The following TAS1R2 variants were observed in gnomAD, a reference collection of about 807,000 sequenced individuals.
The protein encoded by TAS1R2 is taste 1 receptor member 2.
TAS1R2 carries 47 observed loss-of-function variants against 49.3 expected under a neutral mutation model. The ratio of observed to expected loss-of-function variants is 0.95; its 90% CI spans 0.75 to 1.22. The LOEUF (loss-of-function observed/expected upper bound fraction) is 1.22. Ranked by LOEUF, TAS1R2 falls within the 50% of genes most tolerant of loss-of-function variation. The probability of loss-of-function intolerance (pLI) is 0.00; values close to 1 mark genes in which losing one functional copy is unlikely to be tolerated. For synonymous variants in TAS1R2, 479 were observed against 467.9 expected (o/e 1.02, Z -0.31); for missense variants, 1,155 against 1,122.1 (o/e 1.03, Z -0.42).
exon 6 of TAS1R2, chr1:18,840,161 A>G (rs1933792622): frequency 6.2e-7 from 1 of 1,614,236 alleles, no homozygotes; most frequent in Admixed American, 1.7e-5. Flanking sequence ...GACGATCTGG[A>G]AAGAACGCAC....
In TAS1R2 at chr1:18,854,966, G is replaced by C; in HGVS notation, c.504C>G (p.Ser168Arg). Residue 168 changes from serine (S) to arginine (R), a missense_variant, in exon 3 of 6, where the codon AGC becomes AGG. Transcript: ENST00000375371. This position sits in a 1 kb window ranked among gnomAD's most constrained non-coding sequence, Gnocchi z 4.9. ...AGCGCACCTTGTCTCGCAGCTCATC[G>C]CTGATGGCGCTGTAGGTGATCTGCA... The C allele has an allele frequency of 6.2e-7, 1 of 1,606,318 alleles. No individual in the cohort carries two copies. Among genetic ancestry groups the C allele is most frequent in the Non-Finnish European group, 8.5e-7 (1 of 1,173,550 alleles).
intron 3 of TAS1R2, among the ~76,000 whole-genome samples, chr1:18,851,566 T>A (rs1267183884): frequency 6.6e-6 from 1 of 152,080 alleles, no homozygotes; most frequent in Non-Finnish European, 1.5e-5. Flanking sequence ...CCTGACGTCA[T>A]GATTCATCTG....
chr1:18,841,973 TG>T, intron 4 of TAS1R2, 121 bp from the exon 5 acceptor site: 1 of 828,860 alleles, frequency 1.2e-6, no homozygotes, highest in Admixed American at 3.9e-5. Context: ...GGTTTTGGGG[TG>T]GAAACTGTAG....
chr1:18,859,007 C>T (rs1934191692), intron 1 of TAS1R2, among the ~76,000 whole-genome samples: 1 of 152,180 alleles, frequency 6.6e-6, no homozygotes, highest in Admixed American at 6.5e-5. Flanking sequence ...CCCCAAGGGG[C>T]TCAGGGAGGA....
At chr1:18,843,289 C>A (rs995427220) in intron 4 of TAS1R2, among the ~76,000 whole-genome samples, 7 of 152,120 alleles carry the variant, frequency 4.6e-5, no homozygotes, top group Admixed American at 3.3e-4. Context: ...CCTATGAATG[C>A]CAGAGGATTG....
At chr1:18,852,105 G>A (rs28610043) in intron 3 of TAS1R2, among the ~76,000 whole-genome samples, 20,785 of 152,230 alleles carry the variant, frequency 0.14, 2,369 homozygotes, top group African/African-American at 0.31. Context: ...GAAAGGATTG[G>A]CAGGGTCCCT....
rs898296807 is a variant in TAS1R2, at chr1:18,852,821, C to A, written c.1257+1392G>T. 4.6e-5 allele frequency among the ~76,000 whole-genome samples: 7 copies of A among 152,362 alleles called. No individual in the cohort carries two copies. In the East Asian group the frequency reaches 1.2e-3, roughly 25 times the overall value. ...CTGACCCTCTCCCACCATGATGATGCCCCTGCTCTGTGCACAGGTGCAATT... is the reference window on the plus strand; with the variant it reads ...CTGACCCTCTCCCACCATGATGATGACCCTGCTCTGTGCACAGGTGCAATT... On this transcript the variant is annotated intron_variant, in intron 3 of 5. Coordinates refer to ENST00000375371, the Ensembl canonical transcript of TAS1R2.
At chr1:18,845,142 T>G (rs1167199459) in intron 4 of TAS1R2, among the ~76,000 whole-genome samples, 1 of 152,212 alleles carries the variant, frequency 6.6e-6, no homozygotes. Context: ...AATGATTTAT[T>G]GATGCAGGAC....
At position 18,854,474 on chromosome 1, in the gene TAS1R2, G is replaced by C. The variant is rs767436082; in HGVS notation, c.996C>G (p.Ile332Met). 1.2e-5 allele frequency: 19 copies of C among 1,614,042 alleles called. No homozygotes were observed. The highest frequency in any genetic ancestry group is 1.4e-5 in the Non-Finnish European group (17 of 1,180,036). Reference sequence around the variant, plus strand: ...ACTCGCGGAACTCACTGAAGCCCGGGATGGGCACGCTCTGGATGGTGATGC... The same window carrying C: ...ACTCGCGGAACTCACTGAAGCCCGGCATGGGCACGCTCTGGATGGTGATGC... Residue 332 changes from isoleucine (I) to methionine (M), a missense_variant, in exon 3 of 6, where the codon ATC becomes ATG. Ile to Met is a conservative substitution (Grantham distance 10). Transcript: ENST00000375371. The surrounding 1 kb of genome is among the most constrained non-coding windows in gnomAD (Gnocchi z 4.9).
chr1:18,851,704 C>CCCA (rs1228644534), intron 3 of TAS1R2, among the ~76,000 whole-genome samples: 3 of 152,092 alleles, frequency 2.0e-5, no homozygotes, highest in East Asian at 3.9e-4. Flanking sequence ...CTGATCTGAC[C>CCCA]CCACCACCAC....
intron 4 of TAS1R2, among the ~76,000 whole-genome samples, chr1:18,842,927 G>A (rs971921150): frequency 1.3e-5 from 2 of 151,624 alleles, no homozygotes; most frequent in East Asian, 3.9e-4. Context: ...TAAACAAATT[G>A]GTAAATGTTA....
At chr1:18,858,020 C>A (rs1399642329) in intron 1 of TAS1R2, among the ~76,000 whole-genome samples, 1 of 152,038 alleles carries the variant, frequency 6.6e-6, no homozygotes, top group Non-Finnish European at 1.5e-5. Flanking sequence ...ACTGTCACCA[C>A]AACCTTGTGA....
At position 18,847,930 on chromosome 1, in the gene TAS1R2, G is replaced by A. The variant is rs34173818; in HGVS notation, c.1467+1411C>T. Among the ~76,000 whole-genome samples the A allele has an allele frequency of 6.8e-3, 1,040 of 152,310 alleles. 7 individuals are homozygous for A. Among genetic ancestry groups the A allele is most frequent in the Non-Finnish European group, 7.3e-3 (495 of 68,036 alleles). ...ACGTCTTAAATGGATAGCAGCAAGC[G>A]GAGAGAGCTTGTGCAGGGAAACTCC... On this transcript the variant is annotated intron_variant, in intron 4 of 5. Coordinates refer to ENST00000375371, the Ensembl canonical transcript of TAS1R2.
intron 4 of TAS1R2, among the ~76,000 whole-genome samples, chr1:18,847,291 G>A (rs1031813115): frequency 6.6e-6 from 1 of 152,166 alleles, no homozygotes; most frequent in East Asian, 1.9e-4. Flanking sequence ...GCTCTCAGAA[G>A]GAGCCAACCC....
chr1:18,859,654 G>A, exon 1 of TAS1R2: 1 of 1,614,200 alleles, frequency 6.2e-7, no homozygotes, highest in Non-Finnish European at 8.5e-7. Context: ...TTTGCCCTGG[G>A]CCCCATGGCT....
At position 18,854,910 on chromosome 1, in the gene TAS1R2, G is replaced by T. The variant is rs771525169; in HGVS notation, c.560C>A (p.Ala187Asp). 3.1e-6 allele frequency: 5 copies of T among 1,613,358 alleles called. No homozygotes were observed. The highest frequency in any genetic ancestry group is 4.2e-6 in the Non-Finnish European group (5 of 1,179,756). ...CACCATGGCCTCGATGTGGTGGTCG[G>T]CGCTGGGTGTGGTACGCAGCAAAGC... The change falls in exon 3 of 6, where the codon GCC becomes GAC. Residue 187 changes from alanine (A) to aspartate (D), a missense_variant. Ala to Asp is a moderately radical substitution (Grantham distance 126). Transcript: ENST00000375371. The surrounding 1 kb of genome is among the most constrained non-coding windows in gnomAD (Gnocchi z 4.9).
chr1:18,858,442 C>T (rs1934181398), intron 1 of TAS1R2: 1 of 152,458 alleles, frequency 6.6e-6, no homozygotes, highest in African/African-American at 2.4e-5. Flanking sequence ...ATCATCACTA[C>T]CATCACCATC....
At chr1:18,853,176 C>T (rs919774433) in intron 3 of TAS1R2, among the ~76,000 whole-genome samples, 1 of 152,146 alleles carries the variant, frequency 6.6e-6, no homozygotes, top group African/African-American at 2.4e-5. Context: ...CTTCCTGCCC[C>T]TCAGCTTTTC....
chr1:18,845,774 A>G (rs1278665315), intron 4 of TAS1R2, among the ~76,000 whole-genome samples: 2 of 152,196 alleles, frequency 1.3e-5, no homozygotes, highest in Non-Finnish European at 2.9e-5. Context: ...GGGAATCTGC[A>G]GCAGGCACAG....
Sources: allele counts gnomAD v4.1 joint callset (sites outside exome capture counted in the v4.1 genomes callset), GRCh38; gene constraint gnomAD v4.1.1; non-coding constraint Gnocchi (gnomAD v3.1); transcripts MANE v1.5; gene names NCBI Gene and HGNC (gene_info 2026-07-23, HGNC 2026-07-21).